Variants in PKP1 observed in about 807,000 individuals in gnomAD.
The protein encoded by PKP1 is plakophilin-1.
In PKP1, 27 loss-of-function variants were observed where a neutral mutation model predicts 76.4. The observed-to-expected ratio is 0.35, with a 90% CI of 0.26 to 0.49. PKP1 has a LOEUF of 0.49. Ranked by LOEUF, PKP1 falls within the 20% of genes least tolerant of loss-of-function variation. The probability of loss-of-function intolerance (pLI) is 0.99; values close to 1 mark genes in which losing one functional copy is unlikely to be tolerated. For synonymous variants in PKP1, 404 were observed against 384.2 expected, an observed-to-expected ratio of 1.05 and a Z score of -0.60; for missense variants, 964 against 955.2, an observed-to-expected ratio of 1.01 and a Z score of -0.12.
chr1:201,293,590 G>A (rs1037259189), intron 1 of PKP1, among the ~76,000 whole-genome samples: 3 of 152,194 alleles, frequency 2.0e-5, no homozygotes, highest in Non-Finnish European at 4.4e-5. Context: ...GGAACATGGA[G>A]TGATGATTCC....
At chr1:201,327,619 C>T (rs768718961) in intron 12 of PKP1, among the ~76,000 whole-genome samples, 2 of 151,768 alleles carry the variant, frequency 1.3e-5, no homozygotes, top group Non-Finnish European at 2.9e-5. Context: ...AGTCCACCCC[C>T]GGCCTAAGAC....
chr1:201,285,220 CCACACACACACA>C lies in PKP1; in HGVS notation c.202+1350_202+1361del, dbSNP rs140683611. ...AAAGAAACCGACCCTGGCCCTTCCA[CCACACACACACA>C]CACACACACACACACACACACACAC... On this transcript the variant is annotated intron_variant, in intron 1 of 13. Transcript: ENST00000367324. Among the ~76,000 whole-genome samples the C allele has an allele frequency of 7.0e-3, 955 of 136,838 alleles. 11 individuals are homozygous for C. Among genetic ancestry groups the C allele is most frequent in the East Asian group, 0.053 (235 of 4,448 alleles). 89.8% of individuals were successfully genotyped at this position (136,838 alleles called of 152,430 possible).
At chr1:201,302,686 G>A (rs946269732) in intron 2 of PKP1, among the ~76,000 whole-genome samples, 3 of 152,164 alleles carry the variant, frequency 2.0e-5, no homozygotes, top group Non-Finnish European at 2.9e-5. Flanking sequence ...GCTCAGGCAC[G>A]GGGAGGGGAC....
At position 201,313,483 on chromosome 1, in the gene PKP1, C is replaced by T. The variant is rs1450832908; in HGVS notation, c.624C>T (p.Ser208=). 7 of 1,613,616 alleles carry T rather than the reference C, an allele frequency of 4.3e-6. No individual in the cohort carries two copies. In the African/African-American group the frequency reaches 8.0e-5, roughly 18 times the overall value. Residue 208 remains serine, a synonymous_variant, in exon 3 of 14, where the codon TCC becomes TCT. Coordinates refer to ENST00000367324, the MANE Select transcript of PKP1 (RefSeq NM_001005337.3). The part of the protein sequence containing the change: ...KCPVRPPSCA[S]KQDPVYIPPI... Reference sequence around the variant, plus strand: ...CTGTGCGCCCGCCCTCTTGTGCCTCCAAGCAGGACCCTGTGTATATCCCGC... The same window carrying T: ...CTGTGCGCCCGCCCTCTTGTGCCTCTAAGCAGGACCCTGTGTATATCCCGC...
At chr1:201,304,591 C>T (rs1474809173) in intron 2 of PKP1, among the ~76,000 whole-genome samples, 3 of 152,252 alleles carry the variant, frequency 2.0e-5, no homozygotes, top group Non-Finnish European at 4.4e-5. Context: ...GAACCTCCCA[C>T]AGTTGGCTCA....
intron 1 of PKP1, among the ~76,000 whole-genome samples, chr1:201,288,776 TC>T (rs1174856347): frequency 3.3e-5 from 5 of 151,866 alleles, no homozygotes. Context: ...CACAGGATGC[TC>T]CCATGCTCTG....
intron 6 of PKP1, chr1:201,319,820 A>G (rs1183371664): frequency 6.8e-6 from 11 of 1,613,932 alleles, no homozygotes; most frequent in Non-Finnish European, 9.3e-6. Flanking sequence ...CCACAGAAAG[A>G]GACTGGGCAT....
chr1:201,331,971 A>G lies in PKP1; in HGVS notation c.*1930A>G, dbSNP rs1657337391. On this transcript the variant is annotated 3_prime_UTR_variant, in exon 14 of 14. Transcript: ENST00000367324. ...ACCCAGAGGAATTCTTCTCCTAAAA[A>G]ATACGTATGGCATACCAATCTGTGC... 1 of 152,408 alleles carries G rather than the reference A, an allele frequency of 6.6e-6. No homozygotes were observed. The highest frequency in any genetic ancestry group is 1.5e-5 in the Non-Finnish European group (1 of 68,224). 9.4% of individuals were successfully genotyped at this position (152,408 alleles called of 1,614,324 possible).
intron 9 of PKP1, 46 bp from the exon 10 acceptor site, chr1:201,324,382 C>T (rs1219981917): frequency 5.1e-6 from 8 of 1,560,258 alleles, no homozygotes; most frequent in African/African-American, 2.7e-5. Flanking sequence ...TGCCATGGTG[C>T]CTGGGAAGCC....
chr1:201,292,217 C>T (rs1655938724), intron 1 of PKP1, among the ~76,000 whole-genome samples: 1 of 152,280 alleles, frequency 6.6e-6, no homozygotes, highest in African/African-American at 2.4e-5. Context: ...GAGGAGTCGG[C>T]TCCTCTGAAC....
intron 2 of PKP1, among the ~76,000 whole-genome samples, chr1:201,302,325 A>C (rs1325502207): frequency 2.0e-5 from 3 of 152,118 alleles, no homozygotes; most frequent in Non-Finnish European, 4.4e-5. Context: ...ACCCCAGTGG[A>C]CTTTGAGCGG....
intron 2 of PKP1, among the ~76,000 whole-genome samples, chr1:201,307,641 T>C (rs1020764589): frequency 7.2e-5 from 11 of 152,052 alleles, no homozygotes; most frequent in Non-Finnish European, 1.2e-4. Context: ...CTGCCCAATA[T>C]CCCAGTCCTG....
intron 10 of PKP1, 114 bp from the exon 11 acceptor site, chr1:201,324,827 A>T (rs1657061893): frequency 8.5e-7 from 1 of 1,180,134 alleles, no homozygotes; most frequent in East Asian, 2.3e-5. Flanking sequence ...CCTGAGGGCC[A>T]CCTGGCTCAG....
At chr1:201,311,604 G>T (rs1571552754) in intron 2 of PKP1, among the ~76,000 whole-genome samples, 2 of 152,176 alleles carry the variant, frequency 1.3e-5, no homozygotes, top group East Asian at 3.9e-4. Flanking sequence ...CAAGTCGAGT[G>T]CCAGCCCCTC....
At chr1:201,288,347 A>C (rs1300972743) in intron 1 of PKP1, among the ~76,000 whole-genome samples, 1 of 152,164 alleles carries the variant, frequency 6.6e-6, no homozygotes, top group African/African-American at 2.4e-5. Flanking sequence ...CTCTCTCGTA[A>C]ACATCCTAAC....
At chr1:201,311,791 G>T (rs1349466787) in intron 2 of PKP1, among the ~76,000 whole-genome samples, 1 of 152,242 alleles carries the variant, frequency 6.6e-6, no homozygotes, top group Non-Finnish European at 1.5e-5. Flanking sequence ...GTCAGCACCT[G>T]TGTGGAGATG....
At chr1:201,298,456 CCCTGAGCACTT>C (rs1415263328) in intron 2 of PKP1, among the ~76,000 whole-genome samples, 1 of 152,146 alleles carries the variant, frequency 6.6e-6, no homozygotes, top group Non-Finnish European at 1.5e-5. Context: ...AAGAAGTGCA[CCCTGAGCACTT>C]CTTCTGGGAG....
At chr1:201,301,755 G>A (rs1656237903) in intron 2 of PKP1, among the ~76,000 whole-genome samples, 1 of 150,338 alleles carries the variant, frequency 6.7e-6, no homozygotes, top group South Asian at 2.1e-4. Context: ...TTTTGGCCCT[G>A]ACAAAAACTA....
chr1:201,321,894 C>T lies in PKP1; in HGVS notation c.1348-84C>T, dbSNP rs546726460. ...CCGATGCAGCCCAGGTGCCTCTGCTCTCTTATTAGCTAGGGTAGGTGGTAG... is the reference window on the plus strand; with the variant it reads ...CCGATGCAGCCCAGGTGCCTCTGCTTTCTTATTAGCTAGGGTAGGTGGTAG... On this transcript the variant is annotated intron_variant, in intron 7 of 13. Coordinates refer to ENST00000367324, the MANE Select transcript of PKP1 (RefSeq NM_001005337.3). 9.2e-6 allele frequency: 14 copies of T among 1,524,678 alleles called. No individual in the cohort carries two copies. In the South Asian group the frequency reaches 1.2e-4, roughly 14 times the overall value. The allele number at this position is 1,524,678 out of a possible 1,614,324, so 94.4% of individuals were successfully genotyped here. A position where few individuals can be genotyped will look rare whatever the true frequency, so the allele number is the denominator to read the frequency against.
Sources: allele counts gnomAD v4.1 joint callset (sites outside exome capture counted in the v4.1 genomes callset), GRCh38; gene constraint gnomAD v4.1.1; transcripts MANE v1.5; gene names NCBI Gene and HGNC (gene_info 2026-07-23, HGNC 2026-07-21).